Variants in MYO3B observed in about 807,000 individuals in gnomAD.
MYO3B encodes myosin IIIB.
A neutral mutation model predicts 174.6 loss-of-function variants in MYO3B; 156 were observed. That is an observed-to-expected ratio of 0.89 (90% CI 0.78 to 1.02). MYO3B has a LOEUF of 1.02. Ranked by LOEUF, MYO3B falls within the 50% of genes least tolerant of loss-of-function variation. The probability of loss-of-function intolerance (pLI) is 0.00; values close to 1 mark genes in which losing one functional copy is unlikely to be tolerated. For missense variants in MYO3B, 1,632 were observed against 1,639.4 expected (o/e 1.00, Z 0.08); for synonymous variants, 563 against 569.1 (o/e 0.99, Z 0.15).
chr2:170,417,891 CAT>C (rs1359538516), intron 22 of MYO3B, among the ~76,000 whole-genome samples: 1 of 152,040 alleles, frequency 6.6e-6, no homozygotes, highest in East Asian at 1.9e-4. Context: ...AGGACTCCAA[CAT>C]ATGAATTTTT....
At chr2:170,576,686 A>G (rs186975427) in intron 32 of MYO3B, among the ~76,000 whole-genome samples, 284 of 152,380 alleles carry the variant, frequency 1.9e-3, no homozygotes, top group Non-Finnish European at 3.2e-3. Context: ...AAGAAAATGT[A>G]TATAACTGCT....
chr2:170,317,799 G>A (rs2093786529), intron 7 of MYO3B, among the ~76,000 whole-genome samples: 1 of 152,156 alleles, frequency 6.6e-6, no homozygotes, highest in South Asian at 2.1e-4. Context: ...AGAGAAGTGT[G>A]AGAAACATTG....
chr2:170,597,578 C>T (rs1160452220), intron 32 of MYO3B, among the ~76,000 whole-genome samples: 4 of 152,030 alleles, frequency 2.6e-5, no homozygotes, highest in Admixed American at 2.6e-4. Flanking sequence ...CCCTGACTTC[C>T]TTCCAGTGAA....
intron 32 of MYO3B, among the ~76,000 whole-genome samples, chr2:170,614,121 G>C (rs1467154145): frequency 1.3e-5 from 2 of 152,096 alleles, no homozygotes; most frequent in Non-Finnish European, 1.5e-5. Flanking sequence ...GGGTGTAGTA[G>C]AAGCAATGGG....
At chr2:170,597,495 G>A (rs1694230252) in intron 32 of MYO3B, among the ~76,000 whole-genome samples, 2 of 152,088 alleles carry the variant, frequency 1.3e-5, no homozygotes, top group African/African-American at 2.4e-5. Context: ...GTATTGCCTG[G>A]CCCTCCAGAG....
chr2:170,611,385 T>C (rs759873770), intron 32 of MYO3B, among the ~76,000 whole-genome samples: 5 of 152,218 alleles, frequency 3.3e-5, no homozygotes, highest in Non-Finnish European at 5.9e-5. Context: ...CAGAGTCATT[T>C]TGGCAAAATA....
Position 170,563,317 on chromosome 2 carries a change from A to G in MYO3B, c.3733+19329A>G, listed in dbSNP as rs371960055. On this transcript the variant is annotated intron_variant, in intron 32 of 34. Coordinates refer to ENST00000408978, the MANE Select transcript of MYO3B (RefSeq NM_138995.5). ...GTTCTCCAAGGACCAATGAGAGTAA[A>G]GCCATTACCACATACACGTAAAGGA... Among the ~76,000 whole-genome samples, 15 of 152,298 alleles carry G rather than the reference A, an allele frequency of 9.8e-5. No individual in the cohort carries two copies. The South Asian group carries it at 1.9e-3, about 19-fold the overall frequency.
intron 7 of MYO3B, among the ~76,000 whole-genome samples, chr2:170,329,287 G>A (rs1027407346): frequency 2.0e-5 from 3 of 151,422 alleles, no homozygotes; most frequent in African/African-American, 7.3e-5. Context: ...TATAGCAGAT[G>A]CTACAAATTC....
intron 7 of MYO3B, among the ~76,000 whole-genome samples, chr2:170,326,551 C>G (rs1049023796): frequency 1.6e-4 from 23 of 142,732 alleles, no homozygotes; most frequent in African/African-American, 5.6e-4. Flanking sequence ...CACATTGGCT[C>G]AGACAACGAG....
chr2:170,328,397 A>T (rs2093885229), intron 7 of MYO3B, among the ~76,000 whole-genome samples: 1 of 152,082 alleles, frequency 6.6e-6, no homozygotes, highest in South Asian at 2.1e-4. Flanking sequence ...TGGCCCACAG[A>T]GCATTATTCA....
At chr2:170,354,691 T>G (rs971404439) in intron 8 of MYO3B, among the ~76,000 whole-genome samples, 1 of 152,140 alleles carries the variant, frequency 6.6e-6, no homozygotes, top group African/African-American at 2.4e-5. Context: ...TTGCAAGGGT[T>G]AATTAGATGG....
intron 3 of MYO3B, among the ~76,000 whole-genome samples, chr2:170,211,876 T>C (rs1163022510): frequency 6.6e-6 from 1 of 151,384 alleles, no homozygotes; most frequent in East Asian, 1.9e-4. Context: ...TCCTTTTTCA[T>C]AATTAAAACT....
intron 32 of MYO3B, among the ~76,000 whole-genome samples, chr2:170,590,574 A>G (rs1693756875): frequency 6.6e-6 from 1 of 150,834 alleles, no homozygotes; most frequent in Non-Finnish European, 1.5e-5. Context: ...CAGAAGTAGT[A>G]TACTATATAT....
At chr2:170,462,663 G>A (rs969305450) in intron 23 of MYO3B, among the ~76,000 whole-genome samples, 4 of 152,256 alleles carry the variant, frequency 2.6e-5, no homozygotes, top group Non-Finnish European at 5.9e-5. Flanking sequence ...GGCAAGGCCA[G>A]TGCTAAATGC....
In MYO3B at chr2:170,240,816, G is replaced by A. The variant is rs187796163; in HGVS notation, c.749+4680G>A. ...AGAGTGTTGTCTTAGGTGAACATAGGCTGTCTCTGGCTCATTGATTTATGA... is the reference window on the plus strand; with the variant it reads ...AGAGTGTTGTCTTAGGTGAACATAGACTGTCTCTGGCTCATTGATTTATGA... On this transcript the variant is annotated intron_variant, in intron 7 of 34. Coordinates refer to ENST00000408978, the MANE Select transcript of MYO3B (RefSeq NM_138995.5). 1.9e-4 allele frequency among the ~76,000 whole-genome samples: 29 copies of A among 152,254 alleles called. No individual in the cohort carries two copies. In the South Asian group the frequency reaches 4.6e-3, roughly 24 times the overall value.
At chr2:170,323,973 G>A (rs1387201863) in intron 7 of MYO3B, among the ~76,000 whole-genome samples, 1 of 152,170 alleles carries the variant, frequency 6.6e-6, no homozygotes, top group African/African-American at 2.4e-5. Flanking sequence ...CTGAGTTGGT[G>A]AGAAATTGGG....
At chr2:170,260,324 T>A (rs535139452) in intron 7 of MYO3B, among the ~76,000 whole-genome samples, 11 of 152,266 alleles carry the variant, frequency 7.2e-5, no homozygotes, top group Admixed American at 4.6e-4. Context: ...CAGTGGTGGA[T>A]TGGATAAAGA....
chr2:170,392,519 C>T lies in MYO3B; in HGVS notation c.1791+24C>T, dbSNP rs7580905. The T allele has an allele frequency of 5.5e-3, 7,638 of 1,397,170 alleles. 300 individuals carry two copies. In the African/African-American group the frequency reaches 0.091, roughly 17 times the overall value. 86.5% of individuals were successfully genotyped at this position (1,397,170 alleles called of 1,614,324 possible). ...AAGTAAGTGATGATCAAGAGAGGAA[C>T]TCAAGTGACAATATTCTTATATGAA... On this transcript the variant is annotated intron_variant, in intron 16 of 34. Coordinates refer to ENST00000408978, the MANE Select transcript of MYO3B (RefSeq NM_138995.5).
At chr2:170,212,587 A>G (rs1202130890) in intron 3 of MYO3B, among the ~76,000 whole-genome samples, 1 of 152,058 alleles carries the variant, frequency 6.6e-6, no homozygotes, top group East Asian at 1.9e-4. Context: ...GAAAGATTAG[A>G]TTGGTAGACA....
Sources: gnomAD v4.1 joint callset for allele counts (sites outside exome capture counted in the v4.1 genomes callset) on GRCh38, gnomAD v4.1.1 for gene constraint, MANE v1.5 for transcripts, NCBI Gene and HGNC (gene_info 2026-07-23, HGNC 2026-07-21) for gene names.